ZNF536: variants seen among roughly 807,000 people sequenced by gnomAD.
The protein encoded by ZNF536 is zinc finger protein 536.
A neutral mutation model predicts 84.5 loss-of-function variants in ZNF536; 13 were observed. That is an observed-to-expected ratio of 0.15 (90% confidence interval 0.10 to 0.24). ZNF536 has a LOEUF of 0.24. Among genes scored for constraint, ZNF536 ranks in the 10% least tolerant of loss-of-function variants. The pLI is 1.00. For missense variants in ZNF536, 1,536 were observed against 1,747.5 expected (o/e 0.88, Z 2.16); for synonymous variants, 811 against 742.5 (o/e 1.09, Z -1.50).
intron 1 of ZNF536, among the ~76,000 whole-genome samples, chr19:30,651,315 T>C (rs1165181786): frequency 6.6e-6 from 1 of 152,230 alleles, no homozygotes; most frequent in Non-Finnish European, 1.5e-5. Flanking sequence ...AGTTGGGCAC[T>C]GTGCCTCTTG....
At chr19:30,343,842 C>T (rs1401127712) in intron 2 of ZNF536, among the ~76,000 whole-genome samples, 1 of 152,094 alleles carries the variant, frequency 6.6e-6, no homozygotes, top group East Asian at 1.9e-4. Flanking sequence ...GAAGTCTCAC[C>T]CACAGAATGC....
At chr19:30,493,507 T>TTCATAGAC (rs1251425694) in intron 2 of ZNF536, among the ~76,000 whole-genome samples, 2 of 152,176 alleles carry the variant, frequency 1.3e-5, no homozygotes, top group Non-Finnish European at 2.9e-5. Context: ...AAAGGCTCAT[T>TTCATAGAC]TCATAGACAC....
At chr19:30,655,901 T>C (rs2049893670) in intron 1 of ZNF536, among the ~76,000 whole-genome samples, 5 of 152,130 alleles carry the variant, frequency 3.3e-5, no homozygotes, top group Admixed American at 3.3e-4. Context: ...TAGCTGTGCG[T>C]AATGGTGCAC....
intron 1 of ZNF536, among the ~76,000 whole-genome samples, chr19:30,603,697 A>G (rs757163030): frequency 1.3e-5 from 2 of 152,272 alleles, no homozygotes; most frequent in Non-Finnish European, 2.9e-5. Context: ...GGGTGATTTC[A>G]TAAAACAATG....
intron 2 of ZNF536, among the ~76,000 whole-genome samples, chr19:30,523,186 A>G (rs2044435748): frequency 6.6e-6 from 1 of 152,130 alleles, no homozygotes; most frequent in Non-Finnish European, 1.5e-5. Flanking sequence ...GAAAGCTGCT[A>G]CTCAGGAGGC....
chr19:30,278,720 G>A (rs1463813964), intron 1 of ZNF536, among the ~76,000 whole-genome samples: 1 of 152,006 alleles, frequency 6.6e-6, no homozygotes, highest in East Asian at 1.9e-4. Flanking sequence ...AACACATCCC[G>A]AATATGCCTG....
At chr19:30,499,046 TC>T (rs1297153186) in intron 2 of ZNF536, among the ~76,000 whole-genome samples, 2 of 150,806 alleles carry the variant, frequency 1.3e-5, no homozygotes, top group African/African-American at 4.8e-5. Flanking sequence ...TTTTTTTTTT[TC>T]AAATGCCATT....
chr19:30,552,848 AG>A (rs1419857520), intron 4 of ZNF536, among the ~76,000 whole-genome samples: 1 of 152,216 alleles, frequency 6.6e-6, no homozygotes, highest in African/African-American at 2.4e-5. Context: ...CTCTTTCCAC[AG>A]AGGACAGCAC....
intron 1 of ZNF536, among the ~76,000 whole-genome samples, chr19:30,570,133 A>T (rs1036695787): frequency 6.6e-6 from 1 of 152,186 alleles, no homozygotes; most frequent in Non-Finnish European, 1.5e-5. Flanking sequence ...TGGTGCACAG[A>T]GGGGAGAACC....
intron 2 of ZNF536, among the ~76,000 whole-genome samples, chr19:30,304,839 C>T (rs946525352): frequency 5.9e-5 from 9 of 152,164 alleles, no homozygotes; most frequent in Admixed American, 2.0e-4. Context: ...AAATGATGGA[C>T]GGTGGACCAG....
chr19:30,379,249 G>T (rs1383340336), intron 1 of ZNF536, among the ~76,000 whole-genome samples: 1 of 152,234 alleles, frequency 6.6e-6, no homozygotes, highest in Non-Finnish European at 1.5e-5. Context: ...GGGTCCAGTT[G>T]GTCCTGGCCA....
intron 1 of ZNF536, among the ~76,000 whole-genome samples, chr19:30,243,637 G>C (rs2024084943): frequency 6.6e-6 from 1 of 152,150 alleles, no homozygotes; most frequent in African/African-American, 2.4e-5. Context: ...TTAGAGAAGA[G>C]TTCCAACAAT....
intron 1 of ZNF536, among the ~76,000 whole-genome samples, chr19:30,635,874 G>T (rs947541635): frequency 6.6e-6 from 1 of 152,218 alleles, no homozygotes; most frequent in Non-Finnish European, 1.5e-5. Context: ...TCTCCTGCCT[G>T]CTGGAAACCC....
chr19:30,317,942 G>A (rs2046733424), intron 2 of ZNF536, among the ~76,000 whole-genome samples: 1 of 152,192 alleles, frequency 6.6e-6, no homozygotes, highest in African/African-American at 2.4e-5. Flanking sequence ...CTTTCTAGAA[G>A]CAATGTTACG....
At chr19:30,648,239 G>C (rs796143926) in intron 1 of ZNF536, among the ~76,000 whole-genome samples, 1 of 152,136 alleles carries the variant, frequency 6.6e-6, no homozygotes, top group African/African-American at 2.4e-5. Flanking sequence ...CACAAGAAGC[G>C]GTTCCGAGTC....
chr19:30,247,526 G>A (rs182367320), intron 1 of ZNF536, among the ~76,000 whole-genome samples: 4 of 152,268 alleles, frequency 2.6e-5, no homozygotes, highest in Admixed American at 2.6e-4. Flanking sequence ...CTGGAGACAT[G>A]GTTAAACATC....
intron 1 of ZNF536, among the ~76,000 whole-genome samples, chr19:30,691,217 G>T (rs368107451): frequency 6.6e-6 from 1 of 152,068 alleles, no homozygotes; most frequent in Non-Finnish European, 1.5e-5. Flanking sequence ...TGTATTAACC[G>T]TGAGGTCTGC....
chr19:30,435,403 T>G (rs1055806070), intron 1 of ZNF536, among the ~76,000 whole-genome samples: 1 of 146,030 alleles, frequency 6.8e-6, no homozygotes, highest in Non-Finnish European at 1.5e-5. Context: ...GATGATGCTG[T>G]TGATGGTGAT....
At chr19:30,615,107 C>T (rs530283484) in intron 1 of ZNF536, among the ~76,000 whole-genome samples, 11 of 146,528 alleles carry the variant, frequency 7.5e-5, no homozygotes, top group Non-Finnish European at 1.3e-4. Context: ...CCACCATGCC[C>T]GGCTAATTTT....
Sources: gnomAD v4.1 joint callset for allele counts (sites outside exome capture counted in the v4.1 genomes callset) on GRCh38, gnomAD v4.1.1 for gene constraint, MANE v1.5 for transcripts, NCBI Gene and HGNC (gene_info 2026-07-23, HGNC 2026-07-21) for gene names.